Variants in MARK2 observed in about 807,000 individuals in gnomAD.
The protein encoded by MARK2 is serine/threonine-protein kinase MARK2.
In MARK2, 16 loss-of-function variants were observed where a neutral mutation model predicts 89.8. That is an observed-to-expected ratio of 0.18 (90% CI 0.12 to 0.27). MARK2 has a LOEUF of 0.27. Among genes scored for constraint, MARK2 ranks in the 10% least tolerant of loss-of-function variants. The probability of loss-of-function intolerance (pLI) is 1.00; values close to 1 mark genes in which losing one functional copy is unlikely to be tolerated. For synonymous variants in MARK2, 382 were observed against 399.5 expected, an observed-to-expected ratio of 0.96 and a Z score of 0.52; for missense variants, 621 against 1,049.9, an observed-to-expected ratio of 0.59 and a Z score of 5.65.
chr11:63,884,906 A>T (rs224172), intron 1 of MARK2, among the ~76,000 whole-genome samples: 1 of 152,242 alleles, frequency 6.6e-6, no homozygotes, highest in Non-Finnish European at 1.5e-5. Context: ...TCCCAGTTAC[A>T]AGATGTCCCA....
intron 1 of MARK2, among the ~76,000 whole-genome samples, chr11:63,881,175 G>T (rs936819689): frequency 6.6e-6 from 1 of 152,010 alleles, no homozygotes; most frequent in African/African-American, 2.4e-5. Flanking sequence ...CATGGTGGTG[G>T]GCACCTGTAA....
At position 63,866,892 on chromosome 11, in the gene MARK2, AG is replaced by A. The variant is rs368070272; in HGVS notation, c.54+27333del. ...CTGATTAACTGACTTTTCTTTTTTT[AG>A]ATGGCATAGAATCTTCTGTCTGTCT... On this transcript the variant is annotated intron_variant, in intron 1 of 18. Coordinates refer to ENST00000402010, the MANE Select transcript of MARK2 (RefSeq NM_001039469.3). Among the ~76,000 whole-genome samples, 88 of 152,260 alleles carry A rather than the reference AG, an allele frequency of 5.8e-4. No homozygotes were observed. The East Asian group carries it at 0.014, about 25-fold the overall frequency.
At position 63,909,614 on chromosome 11, in the gene MARK2, C is replaced by T. The variant is rs1026387657; in HGVS notation, c.*377C>T. ...AAAAAAAATCCCAGCGGCCACCTTT[C>T]CTCCCTGCCCCATTGGGACAGTCGA... is the stretch of plus-strand genomic sequence containing the variant. On this transcript the variant is annotated 3_prime_UTR_variant, in exon 19 of 19. Coordinates refer to ENST00000402010, the MANE Select transcript of MARK2 (RefSeq NM_001039469.3). 1 of 162,012 alleles carries T rather than the reference C, an allele frequency of 6.2e-6. No individual in the cohort carries two copies. The highest frequency in any genetic ancestry group is 2.4e-5 in the African/African-American group (1 of 41,834). The allele number at this position is 162,012 out of a possible 1,614,324, so 10.0% of individuals were successfully genotyped here.
intron 1 of MARK2, chr11:63,890,162 C>G (rs1939717572): frequency 8.8e-7 from 1 of 1,132,804 alleles, no homozygotes; most frequent in Non-Finnish European, 1.2e-6. Flanking sequence ...GCCCAAGAAG[C>G]ATTTCTGTTG....
intron 17 of MARK2, among the ~76,000 whole-genome samples, chr11:63,906,423 T>A (rs141774877): frequency 0.013 from 1,936 of 152,272 alleles, 22 homozygotes; most frequent in Middle Eastern, 0.02. Context: ...TGTCCTCAAG[T>A]AAGGGGAGAC....
chr11:63,862,999 G>T (rs975812808), intron 1 of MARK2, among the ~76,000 whole-genome samples: 1 of 152,178 alleles, frequency 6.6e-6, no homozygotes, highest in Non-Finnish European at 1.5e-5. Flanking sequence ...CAGGCACAGA[G>T]CTACTTGCTT....
chr11:63,851,491 C>T (rs1332168239), intron 1 of MARK2, among the ~76,000 whole-genome samples: 2 of 148,146 alleles, frequency 1.4e-5, no homozygotes, highest in South Asian at 4.3e-4. Flanking sequence ...TTTTGAACCC[C>T]TCTGCTGACT....
chr11:63,843,675 A>G (rs2016132916), intron 1 of MARK2, among the ~76,000 whole-genome samples: 1 of 150,946 alleles, frequency 6.6e-6, no homozygotes, highest in African/African-American at 2.4e-5. Context: ...CCCAGGCTGG[A>G]GTGTAGCGAT....
intron 1 of MARK2, 92 bp from the exon 2 acceptor site, chr11:63,895,067 C>A: frequency 2.9e-6 from 3 of 1,045,852 alleles, no homozygotes; most frequent in Admixed American, 2.2e-5. Flanking sequence ...CTGGAATCTG[C>A]CCCTGCACCC....
chr11:63,866,410 A>T (rs991898539), intron 1 of MARK2, among the ~76,000 whole-genome samples: 1 of 152,088 alleles, frequency 6.6e-6, no homozygotes, highest in African/African-American at 2.4e-5. Flanking sequence ...TCTTGAAACC[A>T]CAGAAACTGC....
intron 1 of MARK2, chr11:63,880,293 T>A (rs964714694): frequency 5.3e-5 from 8 of 151,754 alleles, no homozygotes; most frequent in Non-Finnish European, 1.2e-4. Context: ...CAGGAGGCAG[T>A]TTGGGGAGGG....
At chr11:63,860,898 C>T (rs1369508532) in intron 1 of MARK2, among the ~76,000 whole-genome samples, 1 of 151,938 alleles carries the variant, frequency 6.6e-6, no homozygotes, top group African/African-American at 2.4e-5. Context: ...ATGTCATTTG[C>T]TCAGAATCAC....
chr11:63,858,096 A>G (rs1297351755), intron 1 of MARK2, among the ~76,000 whole-genome samples: 2 of 151,514 alleles, frequency 1.3e-5, no homozygotes, highest in Non-Finnish European at 2.9e-5. Context: ...GCACCATCTC[A>G]GCTCACTACA....
rs1260040900 is a variant in MARK2 at position 63,868,999 on chromosome 11, T to C, written c.55-26160T>C. 1.0e-5 allele frequency: 4 copies of C among 383,212 alleles called. No individual in the cohort carries two copies. The Admixed American group carries it at 1.2e-4, about 11-fold the overall frequency. The allele number at this position is 383,212 out of a possible 1,614,324, so 23.7% of individuals were successfully genotyped here. On this transcript the variant is annotated intron_variant, in intron 1 of 18. Transcript: ENST00000402010. ...TGAACTGTGAGACTAGGGACCATGT[T>C]TTCCGAGGCCACTGTGAGTGAGGGA...
intron 1 of MARK2, chr11:63,880,021 T>C (rs910566309): frequency 7.2e-5 from 11 of 152,018 alleles, no homozygotes; most frequent in African/African-American, 2.7e-4. Context: ...CTGGATCTTA[T>C]CCTCAGCATA....
intron 1 of MARK2, among the ~76,000 whole-genome samples, chr11:63,877,657 G>A (rs1392786997): frequency 2.0e-5 from 3 of 151,984 alleles, no homozygotes; most frequent in South Asian, 2.1e-4. Flanking sequence ...CCAAGATCGC[G>A]CCACTGCACT....
intron 1 of MARK2, among the ~76,000 whole-genome samples, chr11:63,876,203 A>G (rs1312378258): frequency 6.6e-6 from 1 of 152,182 alleles, no homozygotes. Flanking sequence ...AGTTCAAGCC[A>G]TGTGTGTAGA....
intron 11 of MARK2, among the ~76,000 whole-genome samples, chr11:63,901,698 G>A (rs1306792910): frequency 6.6e-6 from 1 of 150,708 alleles, no homozygotes; most frequent in African/African-American, 2.5e-5. Context: ...GTATCTGTGT[G>A]TGTGTGTGTG....
rs1290590293 is a variant in MARK2 at position 63,904,912 on chromosome 11, G to A, written c.1803G>A (p.Gln601=). The A allele has an allele frequency of 6.2e-7, 1 of 1,614,254 alleles. No individual in the cohort carries two copies. Among genetic ancestry groups the A allele is most frequent in the East Asian group, 2.2e-5 (1 of 44,878 alleles). ...GCCGAAGCACCTTCCATGCTGGGCAGCTCCGACAGGTGCGGGACCAGCAGA... is the reference window on the plus strand; with the variant it reads ...GCCGAAGCACCTTCCATGCTGGGCAACTCCGACAGGTGCGGGACCAGCAGA... ...VSSRSTFHAG[Q]LRQVRDQQNL... is the part of the protein sequence containing the mutation. Residue 601 remains glutamine, a synonymous_variant, in exon 16 of 19, where the codon CAG becomes CAA. Coordinates refer to ENST00000402010, the MANE Select transcript of MARK2 (RefSeq NM_001039469.3). The surrounding 1 kb of genome is among the most constrained non-coding windows in gnomAD (Gnocchi z 6.3).
Sources: allele counts gnomAD v4.1 joint callset (sites outside exome capture counted in the v4.1 genomes callset), GRCh38; gene constraint gnomAD v4.1.1; non-coding constraint Gnocchi (gnomAD v3.1); transcripts MANE v1.5; gene names NCBI Gene and HGNC (gene_info 2026-07-23, HGNC 2026-07-21).